Variants in PTPRT observed in about 807,000 individuals in gnomAD.
PTPRT encodes the protein protein tyrosine phosphatase receptor type T.
In PTPRT, 56 loss-of-function variants were observed where a neutral mutation model predicts 176.8. The observed-to-expected ratio is 0.32, with a 90% CI of 0.26 to 0.40. The LOEUF (loss-of-function observed/expected upper bound fraction) is 0.40. Among genes scored for constraint, PTPRT ranks in the 10% least tolerant of loss-of-function variants. PTPRT has a pLI of 1.00. For missense variants in PTPRT, 1,540 were observed against 1,908.2 expected (o/e 0.81, Z 3.60); for synonymous variants, 783 against 739.0 (o/e 1.06, Z -0.96).
intron 6 of PTPRT, among the ~76,000 whole-genome samples, chr20:42,694,570 A>C (rs927041182): frequency 2.0e-5 from 3 of 152,112 alleles, no homozygotes; most frequent in Non-Finnish European, 2.9e-5. Context: ...AATTCCTTGG[A>C]GTTCAATCTC....
chr20:42,201,070 G>A (rs1334820736), intron 15 of PTPRT, among the ~76,000 whole-genome samples: 3 of 152,172 alleles, frequency 2.0e-5, no homozygotes, highest in Non-Finnish European at 2.9e-5. Flanking sequence ...ATCCCAGCAC[G>A]CTGGGAGGCT....
At chr20:42,744,054 A>C (rs369793097) in intron 6 of PTPRT, among the ~76,000 whole-genome samples, 1 of 152,226 alleles carries the variant, frequency 6.6e-6, no homozygotes, top group South Asian at 2.1e-4. Flanking sequence ...GGCCAGGTAC[A>C]AGGACAGTTC....
intron 1 of PTPRT, among the ~76,000 whole-genome samples, chr20:43,160,910 A>C (rs1216590968): frequency 7.2e-6 from 1 of 138,136 alleles, no homozygotes. Context: ...GTAACCAGTG[A>C]ATTTTCTTTA....
the PTPRT span, among the ~76,000 whole-genome samples, chr20:42,032,359 A>C: frequency 6.6e-6 from 1 of 152,144 alleles, no homozygotes. Context: ...AGACAGAGAG[A>C]GCTCTTGGGC....
intron 2 of PTPRT, among the ~76,000 whole-genome samples, chr20:42,847,493 C>T (rs567819188): frequency 6.6e-6 from 1 of 152,268 alleles, no homozygotes; most frequent in South Asian, 2.1e-4. Context: ...GAAAGGGTCG[C>T]GTGAACACCA....
At chr20:43,147,240 T>C (rs999592541) in intron 1 of PTPRT, among the ~76,000 whole-genome samples, 4 of 152,260 alleles carry the variant, frequency 2.6e-5, no homozygotes, top group African/African-American at 9.6e-5. Context: ...GCTTAGTACC[T>C]TCCCTGGGTC....
intron 19 of PTPRT, among the ~76,000 whole-genome samples, chr20:42,126,671 G>A (rs1360019048): frequency 6.6e-6 from 1 of 152,286 alleles, no homozygotes; most frequent in East Asian, 1.9e-4. Context: ...CCTGCTCTGT[G>A]AAGGTCTATT....
chr20:43,121,018 C>T (rs926135178), intron 1 of PTPRT, among the ~76,000 whole-genome samples: 10 of 152,198 alleles, frequency 6.6e-5, no homozygotes, highest in South Asian at 4.2e-4. Flanking sequence ...CCACATCTCC[C>T]GGCTCCTTCT....
chr20:42,640,596 C>T (rs2074721861), intron 7 of PTPRT, among the ~76,000 whole-genome samples: 2 of 152,048 alleles, frequency 1.3e-5, no homozygotes, highest in South Asian at 4.2e-4. Flanking sequence ...ACCATGTTGG[C>T]CAGGCTGGTC....
At chr20:42,847,836 T>C (rs750136463) in intron 2 of PTPRT, among the ~76,000 whole-genome samples, 19 of 152,190 alleles carry the variant, frequency 1.2e-4, no homozygotes, top group Non-Finnish European at 2.5e-4. Context: ...CAGAGGTCTT[T>C]AAAAAATTTT....
intron 1 of PTPRT, among the ~76,000 whole-genome samples, chr20:42,930,613 G>T (rs983087872): frequency 6.6e-6 from 1 of 152,184 alleles, no homozygotes; most frequent in Non-Finnish European, 1.5e-5. Context: ...CTCCCAAGTA[G>T]CTAGGACTAC....
At chr20:42,169,714 C>A (rs1335270142) in intron 16 of PTPRT, among the ~76,000 whole-genome samples, 1 of 144,782 alleles carries the variant, frequency 6.9e-6, no homozygotes, top group African/African-American at 2.6e-5. Flanking sequence ...AAAGTGATAG[C>A]CTGGATACCG....
intron 1 of PTPRT, among the ~76,000 whole-genome samples, chr20:43,072,062 G>A (rs917833757): frequency 6.6e-6 from 1 of 152,146 alleles, no homozygotes; most frequent in African/African-American, 2.4e-5. Context: ...TCTCATATTT[G>A]TATCCTCACA....
At chr20:42,939,533 T>G (rs1300449013) in intron 1 of PTPRT, among the ~76,000 whole-genome samples, 1 of 152,206 alleles carries the variant, frequency 6.6e-6, no homozygotes, top group Admixed American at 6.5e-5. Flanking sequence ...TGGCTCATAG[T>G]TGGTGTTGAG....
intron 2 of PTPRT, among the ~76,000 whole-genome samples, chr20:42,823,410 G>A (rs1220668797): frequency 6.6e-6 from 1 of 151,882 alleles, no homozygotes; most frequent in African/African-American, 2.4e-5. Flanking sequence ...TGAGGGGAGG[G>A]AACTTAGAGG....
At chr20:42,906,653 C>T (rs896744199) in intron 1 of PTPRT, among the ~76,000 whole-genome samples, 8 of 152,212 alleles carry the variant, frequency 5.3e-5, no homozygotes, top group Non-Finnish European at 7.3e-5. Context: ...CAGAGCCCTA[C>T]AGCCTACCCA....
intron 7 of PTPRT, among the ~76,000 whole-genome samples, chr20:42,544,331 G>A (rs779115478): frequency 5.3e-5 from 8 of 152,200 alleles, no homozygotes; most frequent in Non-Finnish European, 1.2e-4. Flanking sequence ...CTGTTATGAA[G>A]AAAACTTATT....
chr20:42,067,174 G>C, the PTPRT span, among the ~76,000 whole-genome samples: 1 of 152,152 alleles, frequency 6.6e-6, no homozygotes, highest in Non-Finnish European at 1.5e-5. Context: ...AGGGATAGTT[G>C]AGATGTGCTG....
chr20:42,084,132 C>T (rs1251503935), intron 29 of PTPRT, among the ~76,000 whole-genome samples: 1 of 152,196 alleles, frequency 6.6e-6, no homozygotes, highest in East Asian at 1.9e-4. Flanking sequence ...ATTTTCTTGA[C>T]GTTGCACAGC....
Sources: gnomAD v4.1 joint callset for allele counts (sites outside exome capture counted in the v4.1 genomes callset) on GRCh38, gnomAD v4.1.1 for gene constraint, MANE v1.5 for transcripts, NCBI Gene and HGNC (gene_info 2026-07-23, HGNC 2026-07-21) for gene names.